Variants in POLR2C observed in about 807,000 individuals in gnomAD.
The protein encoded by POLR2C is RNA polymerase II subunit C, also known as DNA-directed RNA polymerase II subunit RPB3.
POLR2C carries 36 observed loss-of-function variants against 41.7 expected under a neutral mutation model. That is an observed-to-expected ratio of 0.86 (90% CI 0.66 to 1.14). The LOEUF (loss-of-function observed/expected upper bound fraction) is 1.14. Ranked by LOEUF, POLR2C falls within the 50% of genes most tolerant of loss-of-function variation. The pLI is 0.00. For missense variants in POLR2C, 260 were observed against 350.4 expected, an observed-to-expected ratio of 0.74 and a Z score of 2.06; for synonymous variants, 133 against 137.8, an observed-to-expected ratio of 0.96 and a Z score of 0.25.
chr16:57,469,296 C>T lies in POLR2C; in HGVS notation c.387+3C>T. Reference sequence around the variant, plus strand: ...CCAACAGCCCCCGGGTCATTCCGGTCAGTGCGGGAGAGCATCCTCTTTTCC... The same window carrying T: ...CCAACAGCCCCCGGGTCATTCCGGTTAGTGCGGGAGAGCATCCTCTTTTCC... On this transcript the variant is annotated splice_donor_region_variant and intron_variant, in intron 5 of 8. Coordinates refer to ENST00000219252, the MANE Select transcript of POLR2C (RefSeq NM_032940.3). This position sits in a 1 kb window ranked among gnomAD's most constrained non-coding sequence, Gnocchi z 5.8. 6.2e-7 allele frequency: 1 copy of T among 1,612,636 alleles called. No homozygotes were observed. Among genetic ancestry groups the T allele is most frequent in the Non-Finnish European group, 8.5e-7 (1 of 1,179,960 alleles).
Position 57,463,066 on chromosome 16 carries a change from G to A in POLR2C, c.124G>A (p.Val42Ile). The change falls in exon 2 of 9, where the codon GTT becomes ATT. Residue 42 changes from valine to isoleucine, a missense_variant. Coordinates refer to ENST00000219252, the MANE Select transcript of POLR2C (RefSeq NM_032940.3). The part of the protein sequence containing the change: ...NSIRRVFIAE[V>I]PIIAIDWVQI... The stretch of plus-strand genomic sequence containing the variant: ...GATTCGGAGGGTCTTCATCGCTGAG[G>A]TTCCCATAATAGGTAAGCGACTCCC... 1.1e-5 allele frequency: 17 copies of A among 1,613,048 alleles called. No homozygotes were observed. The highest frequency in any genetic ancestry group is 1.4e-5 in the Non-Finnish European group (17 of 1,178,962).
In POLR2C at chr16:57,462,811, G is replaced by T. The variant is rs1567582499; in HGVS notation, c.86+1G>T. On this transcript the variant is annotated splice_donor_variant, in intron 1 of 8. Transcript: ENST00000219252. LOFTEE classifies it high-confidence loss of function. ...TCATCATCGAGAACACCGACCTGGC[G>T]TAAGGCTACCGAGGGAAGAGGCTGG... is the stretch of plus-strand genomic sequence containing the variant. 3.8e-6 allele frequency: 6 copies of T among 1,560,240 alleles called. No homozygotes were observed. Among genetic ancestry groups the T allele is most frequent in the Non-Finnish European group, 5.2e-6 (6 of 1,146,376 alleles).
At position 57,469,287 on chromosome 16, in the gene POLR2C, C is replaced by G. The variant is rs576421376; in HGVS notation, c.381C>G (p.Val127=). Residue 127 remains valine (V), a synonymous_variant, in exon 5 of 9, where the codon GTC becomes GTG. Coordinates refer to ENST00000219252, the MANE Select transcript of POLR2C (RefSeq NM_032940.3). This position sits in a 1 kb window ranked among gnomAD's most constrained non-coding sequence, Gnocchi z 5.8. ...ACCTCATCTCCAACAGCCCCCGGGT[C>G]ATTCCGGTCAGTGCGGGAGAGCATC... ...SRDLISNSPR[V]IPVTSRNRDN... 1.7e-5 allele frequency: 28 copies of G among 1,614,184 alleles called. No homozygotes were observed. The Admixed American group carries it at 4.0e-4, about 23-fold the overall frequency.
rs1165318830 is a variant in POLR2C, at chr16:57,471,735, T to TGGGGGG, written c.*618_*619insGGGGGG. 1 of 100,322 alleles carries TGGGGGG rather than the reference T, an allele frequency of 1.0e-5. No homozygotes were observed. The highest frequency in any genetic ancestry group is 4.2e-5 in the African/African-American group (1 of 24,006). 6.2% of individuals were successfully genotyped at this position (100,322 alleles called of 1,614,324 possible). A position where few individuals can be genotyped will look rare whatever the true frequency, so the allele number is the denominator to read the frequency against. On this transcript the variant is annotated 3_prime_UTR_variant, in exon 9 of 9. Coordinates refer to ENST00000219252, the MANE Select transcript of POLR2C (RefSeq NM_032940.3). Reference sequence around the variant, plus strand: ...CCTCCAATGACCTGATCATTTAGTTTGGTGGGGGTGGGGGTGGGGGTGGGG... The same window carrying TGGGGGG: ...CCTCCAATGACCTGATCATTTAGTTTGGGGGGGGTGGGGGTGGGGGTGGGGGTGGGG...
Position 57,471,040 on chromosome 16 carries a change from C to A in POLR2C, c.749C>A (p.Ser250Ter). Residue 250 changes from serine (S) to a stop codon, truncating the protein, a stop_gained, in exon 9 of 9, where the codon TCA becomes TAA. Transcript: ENST00000219252. LOFTEE classifies it high-confidence loss of function. ...RPETIVLSAL[S>*]GLKKKLSDLQ... ...GAAACCATTGTCCTGTCAGCCCTCT[C>A]AGGATTGAAGAAGAAACTGAGTGAT... The A allele has an allele frequency of 6.2e-7, 1 of 1,613,296 alleles. No individual in the cohort carries two copies. Among genetic ancestry groups the A allele is most frequent in the Non-Finnish European group, 8.5e-7 (1 of 1,179,240 alleles).
Position 57,469,543 on chromosome 16 carries a change from C to A in POLR2C, c.388-167C>A. ...GAATTGTTTTGCCTGAGGCTACCAC[C>A]ACACCCTGAAGTGGGGGTTGGAGTC... is the stretch of plus-strand genomic sequence containing the variant. On this transcript the variant is annotated intron_variant, in intron 5 of 8. Transcript: ENST00000219252. This position sits in a 1 kb window ranked among gnomAD's most constrained non-coding sequence, Gnocchi z 5.8. 1 of 749,764 alleles carries A rather than the reference C, an allele frequency of 1.3e-6. No individual in the cohort carries two copies. The highest frequency in any genetic ancestry group is 2.3e-6 in the Non-Finnish European group (1 of 425,610). 46.4% of individuals were successfully genotyped at this position (749,764 alleles called of 1,614,324 possible).
rs1304313172 is a variant in POLR2C, at chr16:57,462,865, C to G, written c.86+55C>G. The G allele has an allele frequency of 2.7e-4, 147 of 542,802 alleles. 3 individuals are homozygous for G. In the East Asian group the frequency reaches 0.012, roughly 43 times the overall value. The allele number at this position is 542,802 out of a possible 1,614,324, so 33.6% of individuals were successfully genotyped here. The stretch of plus-strand genomic sequence containing the variant: ...CTCTGGGGCGCCGGGAGGCCCAAGC[C>G]GGGGCCCCGGGGCAGGGGGCGGGGG... On this transcript the variant is annotated intron_variant, in intron 1 of 8. Transcript: ENST00000219252.
At chr16:57,467,172 G>A (rs1410482504) in intron 4 of POLR2C, among the ~76,000 whole-genome samples, 1 of 152,196 alleles carries the variant, frequency 6.6e-6, no homozygotes. Flanking sequence ...GGCGGAGCTT[G>A]CAGTGAGCCG....
chr16:57,468,291 A>G (rs1229207707), intron 4 of POLR2C, among the ~76,000 whole-genome samples: 2 of 152,218 alleles, frequency 1.3e-5, no homozygotes, highest in African/African-American at 4.8e-5. Flanking sequence ...TGCTGGGATT[A>G]TAGGCATGAG....
intron 4 of POLR2C, among the ~76,000 whole-genome samples, chr16:57,468,576 T>C (rs2030759620): frequency 6.6e-6 from 1 of 152,364 alleles, no homozygotes; most frequent in East Asian, 1.9e-4. Flanking sequence ...GTCAGTTGTT[T>C]TAAGAATGGC....
At chr16:57,464,671 C>T (rs1411415328) in intron 2 of POLR2C, among the ~76,000 whole-genome samples, 3 of 131,424 alleles carry the variant, frequency 2.3e-5, no homozygotes, top group African/African-American at 8.4e-5. Flanking sequence ...CCCACCCCCC[C>T]GCCCCCCAGT....
At chr16:57,464,664 A>T (rs868461444) in intron 2 of POLR2C, among the ~76,000 whole-genome samples, 6 of 55,120 alleles carry the variant, frequency 1.1e-4, no homozygotes, top group African/African-American at 2.1e-4. Flanking sequence ...CCACCACCCC[A>T]CCCCCCCGCC....
At chr16:57,467,912 TCAAA>T (rs2030747891) in intron 4 of POLR2C, among the ~76,000 whole-genome samples, 1 of 152,238 alleles carries the variant, frequency 6.6e-6, no homozygotes, top group Non-Finnish European at 1.5e-5. Context: ...TCTTTTCATC[TCAAA>T]CAGACTCCTC....
rs1320361189 is a variant in POLR2C, at chr16:57,469,614, T to A, written c.388-96T>A. 1 of 1,065,378 alleles carries A rather than the reference T, an allele frequency of 9.4e-7. No homozygotes were observed. Among genetic ancestry groups the A allele is most frequent in the Non-Finnish European group, 1.5e-6 (1 of 685,180 alleles). The allele number at this position is 1,065,378 out of a possible 1,614,324, so 66.0% of individuals were successfully genotyped here. A position where few individuals can be genotyped will look rare whatever the true frequency, so the allele number is the denominator to read the frequency against. On this transcript the variant is annotated intron_variant, in intron 5 of 8. Coordinates refer to ENST00000219252, the MANE Select transcript of POLR2C (RefSeq NM_032940.3). The surrounding 1 kb of genome is among the most constrained non-coding windows in gnomAD (Gnocchi z 5.8). Reference sequence around the variant, plus strand: ...ACCTCGTCAGGTGTTCGTTCCCTGGTTGACAGATTGCAGTCTAGAGGTGCT... The same window carrying A: ...ACCTCGTCAGGTGTTCGTTCCCTGGATGACAGATTGCAGTCTAGAGGTGCT...
rs2030829358 is a variant in POLR2C, at chr16:57,471,236, G to T, written c.*117G>T. The T allele has an allele frequency of 1.1e-6, 1 of 873,352 alleles. No homozygotes were observed. The highest frequency in any genetic ancestry group is 2.0e-5 in the Admixed American group (1 of 49,922). 54.1% of individuals were successfully genotyped at this position (873,352 alleles called of 1,614,324 possible). On this transcript the variant is annotated 3_prime_UTR_variant, in exon 9 of 9. Transcript: ENST00000219252. The stretch of plus-strand genomic sequence containing the variant: ...TAGTCTACTGTTGGTTGAGCTTCTT[G>T]GCAGGACATCAGTACCAACTAGAAG...
rs1284873552 is a variant in POLR2C, at chr16:57,466,221, C to T, written c.252C>T (p.Tyr84=). 1.3e-6 allele frequency: 2 copies of T among 1,589,302 alleles called. No individual in the cohort carries two copies. Among genetic ancestry groups the T allele is most frequent in the Admixed American group, 1.8e-5 (1 of 54,776 alleles). ...ATGACATTGTGGACAAGCTGCAGTA[C>T]TCTCGGGTATGTTGTGTGATTGGGT... ...ISDDIVDKLQ[Y]SRDCTCEEFC... The change falls in exon 4 of 9, where the codon TAC becomes TAT. Residue 84 remains tyrosine (Y), a synonymous_variant. Transcript: ENST00000219252.
At chr16:57,465,009 TGAAAG>T (rs1313298477) in intron 2 of POLR2C, among the ~76,000 whole-genome samples, 3 of 151,982 alleles carry the variant, frequency 2.0e-5, no homozygotes, top group Admixed American at 6.6e-5. Context: ...AGAGAGGAGT[TGAAAG>T]GGAGGGAATG....
chr16:57,464,512 G>C (rs187369931), intron 2 of POLR2C, among the ~76,000 whole-genome samples: 189 of 152,316 alleles, frequency 1.2e-3, no homozygotes, highest in African/African-American at 4.3e-3. Flanking sequence ...AATACTTCAA[G>C]CATTTCTGAG....
Position 57,469,404 on chromosome 16 carries a change from C to T in POLR2C, c.387+111C>T, listed in dbSNP as rs2030776017. The T allele has an allele frequency of 2.5e-6, 3 of 1,202,760 alleles. No individual in the cohort carries two copies. The highest frequency in any genetic ancestry group is 1.2e-5 in the South Asian group (1 of 81,108). The allele number at this position is 1,202,760 out of a possible 1,614,324, so 74.5% of individuals were successfully genotyped here. A position where few individuals can be genotyped will look rare whatever the true frequency, so the allele number is the denominator to read the frequency against. On this transcript the variant is annotated intron_variant, in intron 5 of 8. Coordinates refer to ENST00000219252, the MANE Select transcript of POLR2C (RefSeq NM_032940.3). The surrounding 1 kb of genome is among the most constrained non-coding windows in gnomAD (Gnocchi z 5.8). Reference sequence around the variant, plus strand: ...TAGAAAATGTTGGCTTTCCCTGTTACCCTCTGCCTTAATCTGATCCCTAGA... The same window carrying T: ...TAGAAAATGTTGGCTTTCCCTGTTATCCTCTGCCTTAATCTGATCCCTAGA...
Sources: allele counts gnomAD v4.1 joint callset (sites outside exome capture counted in the v4.1 genomes callset), GRCh38; gene constraint gnomAD v4.1.1; non-coding constraint Gnocchi (gnomAD v3.1); transcripts MANE v1.5; gene names NCBI Gene and HGNC (gene_info 2026-07-23, HGNC 2026-07-21).